USH2A: variants seen among roughly 807,000 people sequenced by gnomAD.
USH2A encodes the protein usherin, also known as Usher syndrome 2A (autosomal recessive, mild).
USH2A carries 443 observed loss-of-function variants against 538.9 expected under a neutral mutation model. The ratio of observed to expected loss-of-function variants is 0.82; its 90% CI spans 0.76 to 0.89. The LOEUF (loss-of-function observed/expected upper bound fraction) is 0.89. USH2A is among the 40% of genes least tolerant of loss of function. The probability of loss-of-function intolerance (pLI) is 0.00; values close to 1 mark genes in which losing one functional copy is unlikely to be tolerated. For missense variants in USH2A, 6,633 were observed against 6,324.8 expected (o/e 1.05, Z -1.65); for synonymous variants, 2,413 against 2,273.5 (o/e 1.06, Z -1.75).
rs545991574 is a variant in USH2A, at chr1:215,836,798, C to T, written c.9371+1193G>A. On this transcript the variant is annotated intron_variant, in intron 47 of 71. Transcript: ENST00000307340. Reference sequence around the variant, plus strand: ...GTCTCGATCTCCTGAGCTTGTGATCCGCCCGCCTCGGCCTCCCAAAGTGCT... The same window carrying T: ...GTCTCGATCTCCTGAGCTTGTGATCTGCCCGCCTCGGCCTCCCAAAGTGCT... Among the ~76,000 whole-genome samples, 44 of 150,308 alleles carry T rather than the reference C, an allele frequency of 2.9e-4. No individual in the cohort carries two copies. In the South Asian group the frequency reaches 8.4e-3, roughly 29 times the overall value.
At chr1:215,972,028 C>G (rs1042511043) in intron 35 of USH2A, among the ~76,000 whole-genome samples, 4 of 152,050 alleles carry the variant, frequency 2.6e-5, no homozygotes, top group Admixed American at 6.6e-5. Context: ...GTGTGAATGC[C>G]GAGTAGCTAA....
chr1:215,912,506 TATATAC>T (rs201584246), intron 38 of USH2A, among the ~76,000 whole-genome samples: 18 of 17,846 alleles, frequency 1.0e-3, no homozygotes, highest in African/African-American at 1.8e-3. Context: ...TATATATATA[TATATAC>T]GTGTATATAT....
At chr1:216,082,123 G>A (rs2031969027) in intron 26 of USH2A, among the ~76,000 whole-genome samples, 1 of 152,052 alleles carries the variant, frequency 6.6e-6, no homozygotes, top group South Asian at 2.1e-4. Flanking sequence ...ACGATGCTCA[G>A]TGAAGGTCAC....
At chr1:216,117,572 C>G (rs1401970095) in intron 21 of USH2A, among the ~76,000 whole-genome samples, 1 of 152,042 alleles carries the variant, frequency 6.6e-6, no homozygotes, top group African/African-American at 2.4e-5. Flanking sequence ...AAATATTAGG[C>G]ATATTCAATT....
intron 64 of USH2A, among the ~76,000 whole-genome samples, chr1:215,656,652 T>C (rs1657263568): frequency 6.6e-6 from 1 of 152,220 alleles, no homozygotes; most frequent in South Asian, 2.1e-4. Flanking sequence ...AAGAGTTGTA[T>C]TAGTAAAAGT....
intron 67 of USH2A, among the ~76,000 whole-genome samples, chr1:215,645,658 G>A (rs921043069): frequency 6.6e-6 from 1 of 152,202 alleles, no homozygotes; most frequent in African/African-American, 2.4e-5. Flanking sequence ...CCTTGTGTGA[G>A]ACATTGGTCT....
chr1:215,814,129 CTATTA>C (rs1662788044), intron 48 of USH2A, among the ~76,000 whole-genome samples: 1 of 148,290 alleles, frequency 6.7e-6, no homozygotes, highest in African/African-American at 2.5e-5. Flanking sequence ...GCTTTGTGCT[CTATTA>C]TAATACTATA....
chr1:216,218,255 C>T (rs1010634215), intron 14 of USH2A, among the ~76,000 whole-genome samples: 10 of 152,048 alleles, frequency 6.6e-5, no homozygotes, highest in African/African-American at 2.4e-4. Flanking sequence ...TTCTTGGACC[C>T]AAAGTTGCTT....
chr1:215,872,974 C>G (rs898135229), intron 43 of USH2A, among the ~76,000 whole-genome samples: 1 of 152,124 alleles, frequency 6.6e-6, no homozygotes, highest in Non-Finnish European at 1.5e-5. Context: ...GCTTCTTGTA[C>G]AGCCTGCAGA....
chr1:216,222,621 C>T (rs1252287920), intron 14 of USH2A, among the ~76,000 whole-genome samples: 1 of 152,114 alleles, frequency 6.6e-6, no homozygotes, highest in Non-Finnish European at 1.5e-5. Context: ...CATGTAAGGA[C>T]ATAAGCAGAG....
chr1:215,679,860 T>G (rs1161041072), intron 62 of USH2A, among the ~76,000 whole-genome samples: 1 of 152,274 alleles, frequency 6.6e-6, no homozygotes, highest in African/African-American at 2.4e-5. Context: ...GGGCAGTTAC[T>G]TAGCCTGCAT....
intron 21 of USH2A, among the ~76,000 whole-genome samples, chr1:216,171,605 AC>A (rs1057410331): frequency 6.6e-6 from 1 of 152,086 alleles, no homozygotes; most frequent in Non-Finnish European, 1.5e-5. Context: ...ATGAATAATA[AC>A]TAATAGCTAA....
intron 3 of USH2A, among the ~76,000 whole-genome samples, chr1:216,395,251 A>G (rs2039191508): frequency 6.6e-6 from 1 of 152,188 alleles, no homozygotes; most frequent in African/African-American, 2.4e-5. Context: ...CCGAATGTTA[A>G]TTTCTCCAAC....
intron 11 of USH2A, among the ~76,000 whole-genome samples, chr1:216,265,705 A>G (rs2102573021): frequency 6.6e-6 from 1 of 152,110 alleles, no homozygotes; most frequent in South Asian, 2.1e-4. Context: ...ATGAAAAGGA[A>G]TAAAACTCTG....
rs114574228 is a variant in USH2A, at chr1:215,928,879, G to C, written c.7300+5737C>G. On this transcript the variant is annotated intron_variant, in intron 38 of 71. Transcript: ENST00000307340. The stretch of plus-strand genomic sequence containing the variant: ...AACAGAATGGAATTCAGTAGTTCAA[G>C]CTAAAAAAGTTAGTCATTAATATAT... Among the ~76,000 whole-genome samples the C allele has an allele frequency of 9.1e-3, 1,381 of 152,162 alleles. 16 individuals are homozygous for C. Among genetic ancestry groups the C allele is most frequent in the African/African-American group, 0.032 (1,309 of 41,532 alleles).
intron 67 of USH2A, 72 bp downstream of exon 67, chr1:215,647,450 G>A (rs555498922): frequency 1.6e-5 from 25 of 1,594,042 alleles, no homozygotes; most frequent in Middle Eastern, 2.2e-4. Flanking sequence ...TGGCTTCTCC[G>A]AGTTTCAGGG....
In USH2A at chr1:216,257,991, ATTCTAACATT is replaced by A. The variant is rs529556302; in HGVS notation, c.1972-6903_1972-6894del. 2.4e-3 allele frequency among the ~76,000 whole-genome samples: 368 copies of A among 152,146 alleles called. 2 individuals are homozygous for A. Among genetic ancestry groups the A allele is most frequent in the African/African-American group, 8.4e-3 (351 of 41,556 alleles). ...TCTGTTTCAACATACTGGCCTGATA[ATTCTAACATT>A]TCTCACAATTCTGGATCAATTTTGA... On this transcript the variant is annotated intron_variant, in intron 11 of 71. Coordinates refer to ENST00000307340, the MANE Select transcript of USH2A (RefSeq NM_206933.4).
intron 61 of USH2A, among the ~76,000 whole-genome samples, chr1:215,719,994 A>T (rs535352977): frequency 6.6e-6 from 1 of 152,334 alleles, no homozygotes; most frequent in South Asian, 2.1e-4. Flanking sequence ...TAGTTATATA[A>T]TAGGATGTGA....
At chr1:216,147,688 GA>G (rs1166598613) in intron 21 of USH2A, among the ~76,000 whole-genome samples, 2 of 150,622 alleles carry the variant, frequency 1.3e-5, no homozygotes, top group Non-Finnish European at 1.5e-5. Context: ...TACCATAATA[GA>G]AAAAAGTTGC....
Sources: gnomAD v4.1 joint callset for allele counts (sites outside exome capture counted in the v4.1 genomes callset) on GRCh38, gnomAD v4.1.1 for gene constraint, MANE v1.5 for transcripts, NCBI Gene and HGNC (gene_info 2026-07-23, HGNC 2026-07-21) for gene names.